MED13: variants seen among roughly 807,000 people sequenced by gnomAD.
MED13 encodes mediator complex subunit 13, also known as mediator of RNA polymerase II transcription subunit 13.
Under a neutral mutation model 225.2 loss-of-function variants are expected in MED13, and 23 were observed. The ratio of observed to expected loss-of-function variants is 0.10; its 90% confidence interval spans 0.07 to 0.14. The LOEUF is 0.14. Among genes scored for constraint, MED13 ranks in the 10% least tolerant of loss-of-function variants. MED13 has a pLI of 1.00. For missense variants in MED13, 2,197 were observed against 2,594.5 expected (o/e 0.85, Z 3.33); for synonymous variants, 942 against 889.2 (o/e 1.06, Z -1.06).
In MED13 at chr17:62,052,846, C is replaced by G. The variant is rs549977405; in HGVS notation, c.302-141G>C. On this transcript the variant is annotated intron_variant, in intron 2 of 29. Coordinates refer to ENST00000397786, the MANE Select transcript of MED13 (RefSeq NM_005121.3). ...TTAAGCTACAATCACTTCAATGTAT[C>G]TCTAGACATTATCAGGTTTCAAAGT... 12 of 488,530 alleles carry G rather than the reference C, an allele frequency of 2.5e-5. No homozygotes were observed. In the East Asian group the frequency reaches 3.6e-4, roughly 15 times the overall value. The allele number at this position is 488,530 out of a possible 1,614,324, so 30.3% of individuals were successfully genotyped here.
chr17:62,009,439 G>C (rs767956316), intron 9 of MED13, among the ~76,000 whole-genome samples: 3 of 152,166 alleles, frequency 2.0e-5, no homozygotes, highest in Non-Finnish European at 4.4e-5. Flanking sequence ...GCAAGTCACA[G>C]AACAGGAAAC....
chr17:62,045,972 A>G (rs2080894148), intron 3 of MED13, among the ~76,000 whole-genome samples: 1 of 152,216 alleles, frequency 6.6e-6, no homozygotes, highest in South Asian at 2.1e-4. Flanking sequence ...AAAAGAAGAT[A>G]AAAAGGTAAG....
At chr17:62,042,653 C>T (rs1347521208) in intron 3 of MED13, among the ~76,000 whole-genome samples, 7 of 150,822 alleles carry the variant, frequency 4.6e-5, no homozygotes, top group Middle Eastern at 3.4e-3. Flanking sequence ...CAAAATGCTG[C>T]TTTTTATTGT....
chr17:61,996,274 T>C (rs906237149), intron 9 of MED13, among the ~76,000 whole-genome samples: 2 of 152,184 alleles, frequency 1.3e-5, no homozygotes, highest in African/African-American at 4.8e-5. Flanking sequence ...ATCATTAGCT[T>C]CTGGTTTGCA....
At chr17:62,026,478 TAA>T (rs377190736) in intron 8 of MED13, among the ~76,000 whole-genome samples, 37 of 122,530 alleles carry the variant, frequency 3.0e-4, no homozygotes, top group Non-Finnish European at 3.7e-4. Flanking sequence ...TATTTATCAT[TAA>T]AAAAAAAAAA....
At chr17:61,954,900 T>A (rs1222673855) in intron 26 of MED13, among the ~76,000 whole-genome samples, 2 of 152,366 alleles carry the variant, frequency 1.3e-5, no homozygotes, top group Middle Eastern at 6.8e-3. Flanking sequence ...TACCACAAAC[T>A]GTTGGCTTAA....
In MED13 at chr17:61,964,912, C is replaced by T. The variant is rs537901361; in HGVS notation, c.4844+94G>A. The T allele has an allele frequency of 3.9e-4, 471 of 1,213,814 alleles. 1 individual carries two copies. The African/African-American group carries it at 5.8e-3, about 15-fold the overall frequency. 75.2% of individuals were successfully genotyped at this position (1,213,814 alleles called of 1,614,324 possible). On this transcript the variant is annotated intron_variant, in intron 20 of 29. Transcript: ENST00000397786. ...GATCCCACCACTGCAGTACAGCCTG[C>T]GCAAAAGAGTGAGACTGTGTCTCAA... is the stretch of plus-strand genomic sequence containing the variant.
chr17:62,003,817 A>G lies in MED13; in HGVS notation c.1967+6733T>C, dbSNP rs545351390. The G allele has an allele frequency of 2.6e-5, 4 of 152,282 alleles. No individual in the cohort carries two copies. In the South Asian group the frequency reaches 8.3e-4, roughly 32 times the overall value. The allele number at this position is 152,282 out of a possible 1,614,324, so 9.4% of individuals were successfully genotyped here. On this transcript the variant is annotated intron_variant, in intron 9 of 29. Coordinates refer to ENST00000397786, the MANE Select transcript of MED13 (RefSeq NM_005121.3). Reference sequence around the variant, plus strand: ...TTAACTTACATAATTACAATCCAGTACCACTCTACCCTGCACGCTACTTTT... The same window carrying G: ...TTAACTTACATAATTACAATCCAGTGCCACTCTACCCTGCACGCTACTTTT...
At chr17:61,953,248 G>C (rs2079912107) in intron 26 of MED13, 135 bp from the exon 27 acceptor site, 2 of 854,172 alleles carry the variant, frequency 2.3e-6, no homozygotes, top group Non-Finnish European at 3.5e-6. Flanking sequence ...TGTCTACCAT[G>C]TGCCAAGTAT....
At chr17:62,057,945 G>T (rs2081008276) in intron 2 of MED13, among the ~76,000 whole-genome samples, 1 of 152,014 alleles carries the variant, frequency 6.6e-6, no homozygotes, top group African/African-American at 2.4e-5. Flanking sequence ...TTTATTTAAA[G>T]GGAAAGAATA....
Position 61,965,074 on chromosome 17 carries a change from T to C in MED13, c.4776A>G (p.Leu1592=), listed in dbSNP as rs9907648. 4.7e-3 allele frequency: 7,612 copies of C among 1,614,178 alleles called. 256 individuals are homozygous for C. In the African/African-American group the frequency reaches 0.08, roughly 17 times the overall value. The stretch of plus-strand genomic sequence containing the variant: ...ATTCTCCAGAAATCCCAGCTGTCTG[T>C]AGAGCTGATGTCTGTTGCCCTCCTA... ...GQLGGQQTSA[L]QTAGISGESS... The change falls in exon 20 of 30, where the codon CTA becomes CTG. Residue 1592 remains leucine, a synonymous_variant. Coordinates refer to ENST00000397786, the MANE Select transcript of MED13 (RefSeq NM_005121.3).
In MED13 at chr17:62,015,946, A is replaced by T. The variant is rs1193004053; in HGVS notation, c.1284-4713T>A. ...TATATATATATATATATATATATAT[A>T]TATATATATTTTTTTTTTTTTTTTT... On this transcript the variant is annotated intron_variant, in intron 8 of 29. Transcript: ENST00000397786. Among the ~76,000 whole-genome samples the T allele has an allele frequency of 5.1e-4, 7 of 13,596 alleles. 1 individual carries two copies. Among genetic ancestry groups the T allele is most frequent in the Non-Finnish European group, 8.4e-4 (6 of 7,182 alleles). 8.9% of individuals were successfully genotyped at this position (13,596 alleles called of 152,430 possible).
rs369033165 is a variant in MED13 at position 62,050,645 on chromosome 17, G to A, written c.470+1892C>T. On this transcript the variant is annotated intron_variant, in intron 3 of 29. Transcript: ENST00000397786. ...TCTGAGGAGCAAATCTATTCATTGGGGCTCAGGATTGCAGCCTTTCATTTT... is the reference window on the plus strand; with the variant it reads ...TCTGAGGAGCAAATCTATTCATTGGAGCTCAGGATTGCAGCCTTTCATTTT... 2.3e-3 allele frequency among the ~76,000 whole-genome samples: 352 copies of A among 152,256 alleles called. 3 individuals are homozygous for A. Among genetic ancestry groups the A allele is most frequent in the Middle Eastern group, 0.01 (3 of 294 alleles).
At chr17:62,015,289 A>T (rs922219126) in intron 8 of MED13, among the ~76,000 whole-genome samples, 2 of 152,244 alleles carry the variant, frequency 1.3e-5, no homozygotes, top group African/African-American at 2.4e-5. Context: ...GAAGTGTAAT[A>T]TTTAAGATTT....
intron 8 of MED13, among the ~76,000 whole-genome samples, chr17:62,020,919 G>A (rs2143638145): frequency 6.6e-6 from 1 of 151,576 alleles, no homozygotes; most frequent in East Asian, 1.9e-4. Flanking sequence ...TCAAGCATCT[G>A]TTTAACAAAG....
intron 3 of MED13, among the ~76,000 whole-genome samples, chr17:62,051,939 G>A (rs1261287711): frequency 6.6e-6 from 1 of 152,110 alleles, no homozygotes; most frequent in African/African-American, 2.4e-5. Flanking sequence ...TAATTGCATA[G>A]GAGAAGGAGG....
chr17:62,064,192 A>C (rs1432874587), intron 1 of MED13, among the ~76,000 whole-genome samples: 2 of 152,230 alleles, frequency 1.3e-5, no homozygotes, highest in African/African-American at 2.4e-5. Context: ...CATAGCACAA[A>C]GGAGAAAATG....
intron 12 of MED13, among the ~76,000 whole-genome samples, chr17:61,985,955 A>G (rs2080243929): frequency 6.6e-6 from 1 of 152,232 alleles, no homozygotes; most frequent in Non-Finnish European, 1.5e-5. Flanking sequence ...CTTTTAGTAG[A>G]TTGAACAAAC....
chr17:61,960,809 A>T, intron 23 of MED13, 58 bp downstream of exon 23: 1 of 1,260,190 alleles, frequency 7.9e-7, no homozygotes, highest in Non-Finnish European at 1.1e-6. Context: ...TATTCATTAA[A>T]AATGAAACAA....
Sources: gnomAD v4.1 joint callset for allele counts (sites outside exome capture counted in the v4.1 genomes callset) on GRCh38, gnomAD v4.1.1 for gene constraint, MANE v1.5 for transcripts, NCBI Gene and HGNC (gene_info 2026-07-23, HGNC 2026-07-21) for gene names.